Variants in ADAM12 observed in about 807,000 individuals in gnomAD.
ADAM12 encodes the protein disintegrin and metalloproteinase domain-containing protein 12.
Under a neutral mutation model 106.4 loss-of-function variants are expected in ADAM12, and 70 were observed. The observed-to-expected ratio is 0.66, with a 90% CI of 0.54 to 0.80. ADAM12 has a LOEUF of 0.80. Ranked by LOEUF, ADAM12 falls within the 30% of genes least tolerant of loss-of-function variation. ADAM12 has a pLI of 0.00. For missense variants in ADAM12, 1,010 were observed against 1,171.9 expected, an observed-to-expected ratio of 0.86 and a Z score of 2.02; for synonymous variants, 420 against 433.5, an observed-to-expected ratio of 0.97 and a Z score of 0.39.
At chr10:126,126,910 A>C (rs914249857) in intron 5 of ADAM12, among the ~76,000 whole-genome samples, 2 of 152,102 alleles carry the variant, frequency 1.3e-5, no homozygotes, top group Non-Finnish European at 2.9e-5. Context: ...CTGGAGACCT[A>C]CCCAGAGGAG....
chr10:126,194,278 C>CAAAAAA (rs35778124), intron 3 of ADAM12, among the ~76,000 whole-genome samples: 3 of 58,066 alleles, frequency 5.2e-5, no homozygotes, highest in African/African-American at 5.5e-5. Context: ...TTCATATGCT[C>CAAAAAA]AAAAAAAAAA....
intron 3 of ADAM12, among the ~76,000 whole-genome samples, chr10:126,205,062 G>A (rs117075313): frequency 0.034 from 5,116 of 152,164 alleles, 131 homozygotes; most frequent in Non-Finnish European, 0.055. Flanking sequence ...TGGGAAAGAT[G>A]GTACCTTTCC....
chr10:126,272,874 A>G, intron 3 of ADAM12: 1 of 357,346 alleles, frequency 2.8e-6, no homozygotes, highest in Non-Finnish European at 5.8e-6. Context: ...TCCAGTTTCT[A>G]GGACTCTACA....
chr10:126,203,878 C>G (rs1464517255), intron 3 of ADAM12, among the ~76,000 whole-genome samples: 1 of 152,238 alleles, frequency 6.6e-6, no homozygotes, highest in Non-Finnish European at 1.5e-5. Flanking sequence ...GTGGACTTCA[C>G]TCTCTGTGGT....
intron 18 of ADAM12, among the ~76,000 whole-genome samples, chr10:126,040,609 CT>C: frequency 6.6e-6 from 1 of 152,298 alleles, no homozygotes; most frequent in East Asian, 1.9e-4. Flanking sequence ...AAAAGCATTG[CT>C]TCTGGTTTCC....
chr10:126,316,396 G>A (rs190266987), intron 2 of ADAM12, among the ~76,000 whole-genome samples: 6 of 152,260 alleles, frequency 3.9e-5, no homozygotes, highest in Non-Finnish European at 7.4e-5. Context: ...AAAACTCATG[G>A]AGATAATTCC....
chr10:126,191,416 G>A (rs952299972), intron 3 of ADAM12, among the ~76,000 whole-genome samples: 1 of 152,178 alleles, frequency 6.6e-6, no homozygotes, highest in Non-Finnish European at 1.5e-5. Flanking sequence ...CCTGGAGGAA[G>A]TCAGCAGGTG....
intron 3 of ADAM12, among the ~76,000 whole-genome samples, chr10:126,184,404 C>T (rs1278381): frequency 0.23 from 35,296 of 152,104 alleles, 8,815 homozygotes; most frequent in African/African-American, 0.63. Context: ...ATAAAAGTGA[C>T]CTCAAATTTT....
chr10:126,326,681 C>T (rs1854315348), intron 2 of ADAM12, among the ~76,000 whole-genome samples: 1 of 152,146 alleles, frequency 6.6e-6, no homozygotes, highest in Non-Finnish European at 1.5e-5. Flanking sequence ...AACTCACTTG[C>T]ACGTCCTGCT....
At chr10:126,143,851 C>T (rs58763239) in intron 4 of ADAM12, among the ~76,000 whole-genome samples, 26,086 of 152,012 alleles carry the variant, frequency 0.17, 2,300 homozygotes, top group Middle Eastern at 0.19. Context: ...TTCCCTTGCA[C>T]GCAAGCCCCA....
At chr10:126,169,059 A>G (rs552534304) in intron 3 of ADAM12, among the ~76,000 whole-genome samples, 9 of 152,208 alleles carry the variant, frequency 5.9e-5, no homozygotes, top group Non-Finnish European at 1.3e-4. Flanking sequence ...TCTCGAAAAA[A>G]AACCCAAAAA....
intron 8 of ADAM12, among the ~76,000 whole-genome samples, chr10:126,106,763 C>T (rs1428254837): frequency 6.6e-6 from 1 of 152,128 alleles, no homozygotes; most frequent in African/African-American, 2.4e-5. Context: ...GGATTACAGG[C>T]GTAAGCCACC....
chr10:126,361,201 A>G (rs1855731696), intron 1 of ADAM12, among the ~76,000 whole-genome samples: 1 of 152,256 alleles, frequency 6.6e-6, no homozygotes, highest in South Asian at 2.1e-4. Flanking sequence ...AGCTATAAAA[A>G]TTAAACAAAA....
At chr10:126,354,451 A>ATGAT (rs1855469809) in intron 1 of ADAM12, among the ~76,000 whole-genome samples, 1 of 58,210 alleles carries the variant, frequency 1.7e-5, no homozygotes. Flanking sequence ...ATGCAGTAGA[A>ATGAT]CGTCTGCGGG....
chr10:126,224,583 C>T (rs901454414), intron 3 of ADAM12, among the ~76,000 whole-genome samples: 2 of 152,172 alleles, frequency 1.3e-5, no homozygotes, highest in African/African-American at 2.4e-5. Flanking sequence ...GGGCGTTGCA[C>T]GGCCCTTGTC....
At chr10:126,119,200 G>A (rs1242396610) in intron 5 of ADAM12, among the ~76,000 whole-genome samples, 1 of 152,208 alleles carries the variant, frequency 6.6e-6, no homozygotes, top group Non-Finnish European at 1.5e-5. Flanking sequence ...ACAGGGAGAA[G>A]TGCCAGTCTC....
At chr10:126,139,660 G>A (rs1056246924) in intron 4 of ADAM12, among the ~76,000 whole-genome samples, 5 of 152,050 alleles carry the variant, frequency 3.3e-5, no homozygotes, top group Non-Finnish European at 7.4e-5. Context: ...GGTGGGGAGT[G>A]GCATCCAGGG....
rs769540794 is a variant in ADAM12, at chr10:126,066,747, G to T, written c.1383C>A (p.Cys461Ter). 1.9e-6 allele frequency: 3 copies of T among 1,614,084 alleles called. No individual in the cohort carries two copies. In the East Asian group the frequency reaches 6.7e-5, roughly 36 times the overall value. ...AGTCTTCACAGCACAGCCCATGTGC[G>T]CACACAGCGTCCGGCTTCAGGGTAC... ...TTCTLKPDAV[C>*]AHGLCCEDCQ... The change falls in exon 13 of 23, where the codon TGC (cysteine) becomes TGA (stop). Residue 461 changes from cysteine (C) to a stop codon, truncating the protein, a stop_gained. Transcript: ENST00000448723. LOFTEE classifies it high-confidence loss of function. This position sits in a 1 kb window ranked among gnomAD's most constrained non-coding sequence, Gnocchi z 5.1.
chr10:126,357,616 A>C (rs1452422823), intron 1 of ADAM12, among the ~76,000 whole-genome samples: 2 of 152,312 alleles, frequency 1.3e-5, no homozygotes, highest in South Asian at 4.1e-4. Context: ...GGGAGGCCTC[A>C]GGAAACTTAT....
Sources: gnomAD v4.1 joint callset for allele counts (sites outside exome capture counted in the v4.1 genomes callset) on GRCh38, gnomAD v4.1.1 for gene constraint, Gnocchi (gnomAD v3.1) non-coding constraint, MANE v1.5 for transcripts, NCBI Gene and HGNC (gene_info 2026-07-23, HGNC 2026-07-21) for gene names.